SGCD: variants seen among roughly 807,000 people sequenced by gnomAD.
SGCD encodes delta-sarcoglycan.
SGCD carries 18 observed loss-of-function variants against 36.6 expected under a neutral mutation model. That is an observed-to-expected ratio of 0.49 (90% CI 0.34 to 0.73). The LOEUF (loss-of-function observed/expected upper bound fraction) is 0.73. SGCD is among the 30% of genes least tolerant of loss of function. The pLI is 0.01. For missense variants in SGCD, 387 were observed against 346.7 expected (o/e 1.12, Z -0.92); for synonymous variants, 133 against 130.6 (o/e 1.02, Z -0.12).
intron 1 of SGCD, among the ~76,000 whole-genome samples, chr5:156,077,873 A>G (rs1409800816): frequency 6.6e-6 from 1 of 152,158 alleles, no homozygotes; most frequent in Non-Finnish European, 1.5e-5. Flanking sequence ...AGAAGCGTTG[A>G]GTTCTAATAT....
intron 3 of SGCD, among the ~76,000 whole-genome samples, chr5:156,319,279 C>T (rs373370049): frequency 7.9e-5 from 12 of 152,214 alleles, no homozygotes; most frequent in African/African-American, 2.9e-4. Context: ...ACCATTAAAC[C>T]CTACAATCCA....
intron 3 of SGCD, among the ~76,000 whole-genome samples, chr5:156,387,157 G>A (rs1771319985): frequency 6.6e-6 from 1 of 152,134 alleles, no homozygotes; most frequent in African/African-American, 2.4e-5. Flanking sequence ...ATTGTGAAGT[G>A]GGTAACACAG....
intron 3 of SGCD, among the ~76,000 whole-genome samples, chr5:156,222,517 T>A (rs1764741922): frequency 6.6e-6 from 1 of 152,124 alleles, no homozygotes; most frequent in Admixed American, 6.6e-5. Context: ...ATTGCTGTTA[T>A]ATCTTTGGTG....
At chr5:156,620,626 C>T (rs1303446792) in intron 6 of SGCD, among the ~76,000 whole-genome samples, 5 of 152,048 alleles carry the variant, frequency 3.3e-5, no homozygotes, top group East Asian at 1.9e-4. Flanking sequence ...AGTTTGACTT[C>T]GCAAGTGCAA....
At chr5:156,168,788 CCTGTTCTATG>C (rs1763272161) in intron 3 of SGCD, among the ~76,000 whole-genome samples, 1 of 152,200 alleles carries the variant, frequency 6.6e-6, no homozygotes, top group Non-Finnish European at 1.5e-5. Flanking sequence ...TTATTGAACA[CCTGTTCTATG>C]CCAGGTGCTC....
At chr5:156,549,346 C>A (rs960865261) in intron 4 of SGCD, among the ~76,000 whole-genome samples, 1 of 152,136 alleles carries the variant, frequency 6.6e-6, no homozygotes, top group African/African-American at 2.4e-5. Context: ...TGTTTTATAG[C>A]CCTGGATTGT....
intron 7 of SGCD, among the ~76,000 whole-genome samples, chr5:156,692,372 A>G (rs79146596): frequency 0.031 from 4,678 of 152,320 alleles, 110 homozygotes; most frequent in Non-Finnish European, 0.047. Flanking sequence ...CAAGTGCTAG[A>G]TATCTGCCAT....
chr5:156,078,109 G>C (rs1363401532), intron 1 of SGCD, among the ~76,000 whole-genome samples: 1 of 152,046 alleles, frequency 6.6e-6, no homozygotes, highest in African/African-American at 2.4e-5. Flanking sequence ...GGTGGTAGAA[G>C]AGAAACTTTT....
intron 3 of SGCD, among the ~76,000 whole-genome samples, chr5:156,126,036 C>A (rs910992833): frequency 6.6e-6 from 1 of 151,794 alleles, no homozygotes; most frequent in Non-Finnish European, 1.5e-5. Flanking sequence ...TGCCACCACG[C>A]CTGGCTAATA....
Position 156,170,628 on chromosome 5 carries a change from C to T in SGCD, c.-44+46609C>T, listed in dbSNP as rs140055989. Among the ~76,000 whole-genome samples the T allele has an allele frequency of 8.0e-3, 1,217 of 152,254 alleles. 8 individuals are homozygous for T. The highest frequency in any genetic ancestry group is 0.01 in the Admixed American group (153 of 15,296). On this transcript the variant is annotated intron_variant, in intron 3 of 9. Transcript: ENST00000517913. The stretch of plus-strand genomic sequence containing the variant: ...CTTCTAACTCACAATCAAAGGGTGC[C>T]GGGAAGCCTATCTGAAGTCCTTGCT...
chr5:155,934,658 C>A (rs1216574384), intron 1 of SGCD, among the ~76,000 whole-genome samples: 1 of 152,110 alleles, frequency 6.6e-6, no homozygotes, highest in Admixed American at 6.6e-5. Context: ...ATTTGTCATT[C>A]TTTTTAACTG....
intron 3 of SGCD, among the ~76,000 whole-genome samples, chr5:156,432,060 G>C (rs1753038109): frequency 6.6e-6 from 1 of 152,286 alleles, no homozygotes; most frequent in African/African-American, 2.4e-5. Context: ...GCCACCCGTG[G>C]GACTACGAGG....
At position 156,141,559 on chromosome 5, in the gene SGCD, T is replaced by G. The variant is rs183696076; in HGVS notation, c.-44+17540T>G. On this transcript the variant is annotated intron_variant, in intron 3 of 9. Coordinates refer to the SGCD transcript ENST00000517913. ...CCTTAAGATTTATTGTTTGTCTCAT[T>G]GGGTAAAAAGACAAATCTGGTAGAT... Among the ~76,000 whole-genome samples, 254 of 152,344 alleles carry G rather than the reference T, an allele frequency of 1.7e-3. 1 individual carries two copies. Among genetic ancestry groups the G allele is most frequent in the African/African-American group, 5.7e-3 (237 of 41,580 alleles).
intron 1 of SGCD, among the ~76,000 whole-genome samples, chr5:155,928,693 T>TTA (rs1757041963): frequency 2.7e-5 from 1 of 36,580 alleles, no homozygotes; most frequent in African/African-American, 7.2e-5. Context: ...AAAAAAGAGG[T>TTA]AAAAAAAATA....
chr5:155,981,526 A>G (rs1758228919), intron 1 of SGCD, among the ~76,000 whole-genome samples: 2 of 152,108 alleles, frequency 1.3e-5, no homozygotes, highest in South Asian at 4.1e-4. Flanking sequence ...TCTTAAACTG[A>G]TGTTTAGAGG....
At chr5:156,351,269 C>T (rs1769237233) in intron 3 of SGCD, among the ~76,000 whole-genome samples, 1 of 152,050 alleles carries the variant, frequency 6.6e-6, no homozygotes, top group Non-Finnish European at 1.5e-5. Flanking sequence ...TGGTGGAAGA[C>T]CCAGTGAGTT....
chr5:155,986,203 G>A (rs1212304840), intron 1 of SGCD, among the ~76,000 whole-genome samples: 1 of 152,048 alleles, frequency 6.6e-6, no homozygotes, highest in African/African-American at 2.4e-5. Context: ...TTACTCCTTT[G>A]TGTATCTTTC....
At chr5:155,892,708 G>C (rs1260205195) in intron 1 of SGCD, among the ~76,000 whole-genome samples, 1 of 152,170 alleles carries the variant, frequency 6.6e-6, no homozygotes, top group African/African-American at 2.4e-5. Flanking sequence ...AGAATGTTCT[G>C]CAGATTCATA....
At chr5:156,530,119 C>G (rs997432071) in intron 4 of SGCD, among the ~76,000 whole-genome samples, 2 of 152,144 alleles carry the variant, frequency 1.3e-5, no homozygotes, top group Non-Finnish European at 2.9e-5. Flanking sequence ...TTCTCAACCT[C>G]GTAAGCCACA....
Sources: gnomAD v4.1 joint callset for allele counts (sites outside exome capture counted in the v4.1 genomes callset) on GRCh38, gnomAD v4.1.1 for gene constraint, MANE v1.5 for transcripts, NCBI Gene and HGNC (gene_info 2026-07-23, HGNC 2026-07-21) for gene names.